Variants in TYW1B observed in about 807,000 individuals in gnomAD.
TYW1B encodes S-adenosyl-L-methionine-dependent tRNA 4-demethylwyosine synthase TYW1B.
TYW1B carries 73 observed loss-of-function variants against 86.9 expected under a neutral mutation model. The ratio of observed to expected loss-of-function variants is 0.84; its 90% confidence interval spans 0.70 to 1.02. The LOEUF (loss-of-function observed/expected upper bound fraction) is 1.02, where lower values mean the gene tolerates loss of function less well. Ranked by LOEUF, TYW1B falls within the 50% of genes least tolerant of loss-of-function variation. TYW1B has a pLI of 0.00. For missense variants in TYW1B, 637 were observed against 827.4 expected, an observed-to-expected ratio of 0.77 and a Z score of 2.82; for synonymous variants, 248 against 292.8, an observed-to-expected ratio of 0.85 and a Z score of 1.56.
At chr7:72,597,120 G>A (rs186454695) in intron 13 of TYW1B, among the ~76,000 whole-genome samples, 5,325 of 110,286 alleles carry the variant, frequency 0.048, no homozygotes, top group African/African-American at 0.1. Context: ...ATAAATATAA[G>A]GCAGACCACT....
Position 72,794,284 on chromosome 7 carries a change from A to G in TYW1B, c.846+8116T>C, listed in dbSNP as rs548525011. On this transcript the variant is annotated intron_variant, in intron 6 of 13. Transcript: ENST00000620995. ...ATCAGTATACTTCTTGGCCAGGTGC[A>G]GTGGCTCACGCCTGGAATCCCAACA... Among the ~76,000 whole-genome samples, 3 of 152,226 alleles carry G rather than the reference A, an allele frequency of 2.0e-5. No homozygotes were observed. The South Asian group carries it at 6.2e-4, about 32-fold the overall frequency.
At chr7:72,677,430 G>A (rs1372797890) in intron 11 of TYW1B, among the ~76,000 whole-genome samples, 3 of 151,982 alleles carry the variant, frequency 2.0e-5, no homozygotes, top group Admixed American at 6.6e-5. Flanking sequence ...TTACAGGCGT[G>A]AGCCACCACA....
At chr7:72,628,755 T>C (rs1214728923) in intron 12 of TYW1B, 132 bp downstream of exon 12, 1 of 664,624 alleles carries the variant, frequency 1.5e-6, no homozygotes, top group Non-Finnish European at 2.6e-6. Flanking sequence ...TGAATATCGA[T>C]CACGAAATGA....
At chr7:72,637,336 T>C (rs1457059359) in intron 11 of TYW1B, among the ~76,000 whole-genome samples, 1 of 151,906 alleles carries the variant, frequency 6.6e-6, no homozygotes, top group African/African-American at 2.4e-5. Flanking sequence ...TAAGTCCATG[T>C]AGATCATTTC....
At chr7:72,786,654 C>A (rs561568981) in intron 6 of TYW1B, among the ~76,000 whole-genome samples, 1 of 147,242 alleles carries the variant, frequency 6.8e-6, no homozygotes, top group South Asian at 2.2e-4. Flanking sequence ...CGGCTCACTA[C>A]AACCTCCGTC....
intron 11 of TYW1B, among the ~76,000 whole-genome samples, chr7:72,656,792 TGA>T (rs1345313820): frequency 1.3e-5 from 2 of 152,098 alleles, no homozygotes; most frequent in Admixed American, 6.6e-5. Flanking sequence ...CATCACATGG[TGA>T]GAGTGGGAGC....
intron 7 of TYW1B, among the ~76,000 whole-genome samples, chr7:72,760,968 A>G (rs1787676994): frequency 6.6e-6 from 1 of 152,230 alleles, no homozygotes; most frequent in South Asian, 2.1e-4. Context: ...GGATATTCAC[A>G]GGCTATAAAA....
chr7:72,742,829 C>T lies in TYW1B; in HGVS notation c.1082+1655G>A, dbSNP rs553184679. Among the ~76,000 whole-genome samples, 117 of 151,852 alleles carry T rather than the reference C, an allele frequency of 7.7e-4. 1 individual carries two copies. Among genetic ancestry groups the T allele is most frequent in the African/African-American group, 2.5e-3 (105 of 41,408 alleles). On this transcript the variant is annotated intron_variant, in intron 8 of 13. Transcript: ENST00000620995. The stretch of plus-strand genomic sequence containing the variant: ...AAAAAAAGAATTATAACTCTTGTGC[C>T]AATATGGAGATAAATTAAGAGATGA...
At chr7:72,742,321 G>A (rs13247178) in intron 8 of TYW1B, among the ~76,000 whole-genome samples, 1 of 152,046 alleles carries the variant, frequency 6.6e-6, no homozygotes, top group African/African-American at 2.4e-5. Flanking sequence ...GTAGAGACAA[G>A]GTTTCATCAT....
intron 11 of TYW1B, among the ~76,000 whole-genome samples, chr7:72,691,568 A>C (rs1181101576): frequency 1.3e-5 from 2 of 152,174 alleles, no homozygotes; most frequent in Non-Finnish European, 2.9e-5. Context: ...ACAGGAAGTA[A>C]ACTATTAAGC....
At chr7:72,661,621 T>C (rs1743662094) in intron 11 of TYW1B, among the ~76,000 whole-genome samples, 1 of 147,130 alleles carries the variant, frequency 6.8e-6, no homozygotes, top group African/African-American at 2.5e-5. Context: ...TTGGTCCTTT[T>C]GCTAAATGAA....
At chr7:72,753,128 AG>A (rs1554465402) in intron 7 of TYW1B, among the ~76,000 whole-genome samples, 2 of 152,026 alleles carry the variant, frequency 1.3e-5, no homozygotes, top group Non-Finnish European at 2.9e-5. Flanking sequence ...AAAAAAAAAA[AG>A]AAAGAAGAGC....
chr7:72,708,600 C>G lies in TYW1B; in HGVS notation c.1370+5021G>C, dbSNP rs372438131. Reference sequence around the variant, plus strand: ...AGGAAACTTCCAAAATACATGGCCTCTGTGTCCTATTAGTTAATCTACAGC... The same window carrying G: ...AGGAAACTTCCAAAATACATGGCCTGTGTGTCCTATTAGTTAATCTACAGC... On this transcript the variant is annotated intron_variant, in intron 10 of 13. Transcript: ENST00000620995. Among the ~76,000 whole-genome samples, 12 of 152,336 alleles carry G rather than the reference C, an allele frequency of 7.9e-5. No individual in the cohort carries two copies. In the East Asian group the frequency reaches 2.3e-3, roughly 29 times the overall value.
At chr7:72,710,313 C>A (rs1429985452) in intron 10 of TYW1B, among the ~76,000 whole-genome samples, 1 of 152,120 alleles carries the variant, frequency 6.6e-6, no homozygotes, top group Non-Finnish European at 1.5e-5. Context: ...CGCACATCAG[C>A]CATGTGAAAA....
chr7:72,631,462 C>G (rs1304552530), intron 11 of TYW1B, among the ~76,000 whole-genome samples: 9 of 152,008 alleles, frequency 5.9e-5, no homozygotes, highest in Non-Finnish European at 1.2e-4. Flanking sequence ...TGCAATGAGC[C>G]AAGATTGCAC....
intron 9 of TYW1B, among the ~76,000 whole-genome samples, chr7:72,723,842 T>C (rs1305098639): frequency 6.6e-5 from 10 of 152,040 alleles, no homozygotes; most frequent in African/African-American, 2.4e-4. Flanking sequence ...TATTCTGAAG[T>C]ACTAAAATTC....
At chr7:72,596,937 C>G (rs1471930908) in intron 13 of TYW1B, among the ~76,000 whole-genome samples, 1 of 146,160 alleles carries the variant, frequency 6.8e-6, no homozygotes. Flanking sequence ...ACAACAACAA[C>G]AAAATCCCAA....
intron 7 of TYW1B, among the ~76,000 whole-genome samples, chr7:72,765,884 A>G (rs190501164): frequency 2.6e-4 from 39 of 152,328 alleles, no homozygotes; most frequent in Non-Finnish European, 4.9e-4. Context: ...CGGAAGAAAA[A>G]GTTGCTATTT....
chr7:72,710,890 T>C (rs555449464), intron 10 of TYW1B, among the ~76,000 whole-genome samples: 2 of 152,352 alleles, frequency 1.3e-5, no homozygotes, highest in South Asian at 4.1e-4. Context: ...ACCGTGGTCT[T>C]AATTTTTTGC....
Sources: gnomAD v4.1 joint callset for allele counts (sites outside exome capture counted in the v4.1 genomes callset) on GRCh38, gnomAD v4.1.1 for gene constraint, MANE v1.5 for transcripts, NCBI Gene and HGNC (gene_info 2026-07-23, HGNC 2026-07-21) for gene names.